The following CLSTN2 variants were observed in gnomAD, a reference collection of about 807,000 sequenced individuals.
CLSTN2 encodes the protein calsyntenin-2.
Under a neutral mutation model 101.2 loss-of-function variants are expected in CLSTN2, and 48 were observed. That is an observed-to-expected ratio of 0.47 (90% confidence interval 0.38 to 0.60). The LOEUF (loss-of-function observed/expected upper bound fraction) is 0.60. Among genes scored for constraint, CLSTN2 ranks in the 20% least tolerant of loss-of-function variants. The pLI is 0.00. For missense variants in CLSTN2, 1,160 were observed against 1,238.2 expected (o/e 0.94, Z 0.95); for synonymous variants, 481 against 463.6 (o/e 1.04, Z -0.48).
At chr3:140,491,409 T>C (rs569079994) in intron 8 of CLSTN2, among the ~76,000 whole-genome samples, 1 of 152,268 alleles carries the variant, frequency 6.6e-6, no homozygotes, top group Non-Finnish European at 1.5e-5. Context: ...TAGAGAGAGA[T>C]ATTAGAAATA....
rs76434987 is a variant in CLSTN2, at chr3:139,977,085, T to C, written c.109+41602T>C. 1.5e-4 allele frequency among the ~76,000 whole-genome samples: 23 copies of C among 152,270 alleles called. No individual in the cohort carries two copies. The East Asian group carries it at 3.7e-3, about 24-fold the overall frequency. The stretch of plus-strand genomic sequence containing the variant: ...AGAAAAGACAAAACCTCAAACTCTC[T>C]ATCCTGCCTGCCAGTGCTAGCATTT... On this transcript the variant is annotated intron_variant, in intron 1 of 16. Transcript: ENST00000458420.
At chr3:140,196,276 A>G (rs2010642241) in intron 2 of CLSTN2, among the ~76,000 whole-genome samples, 1 of 152,194 alleles carries the variant, frequency 6.6e-6, no homozygotes, top group Admixed American at 6.5e-5. Flanking sequence ...ATCTCATGAC[A>G]GAGGAAGGCG....
intron 1 of CLSTN2, among the ~76,000 whole-genome samples, chr3:140,068,349 C>A (rs1488625809): frequency 1.3e-5 from 2 of 152,270 alleles, no homozygotes; most frequent in East Asian, 3.9e-4. Context: ...ACTCAATGAA[C>A]CCTTTTAGAG....
At chr3:139,985,529 G>A (rs567551806) in intron 1 of CLSTN2, among the ~76,000 whole-genome samples, 1 of 152,186 alleles carries the variant, frequency 6.6e-6, no homozygotes, top group South Asian at 2.1e-4. Context: ...CTGAAACTCT[G>A]ACATTGTTTG....
intron 2 of CLSTN2, among the ~76,000 whole-genome samples, chr3:140,181,375 CCA>C (rs1221859080): frequency 6.9e-6 from 1 of 145,024 alleles, no homozygotes; most frequent in African/African-American, 2.5e-5. Context: ...TATCAGTAAG[CCA>C]CAAGTGTTTG....
intron 1 of CLSTN2, among the ~76,000 whole-genome samples, chr3:139,953,044 G>T (rs558500342): frequency 6.6e-6 from 1 of 152,330 alleles, no homozygotes; most frequent in African/African-American, 2.4e-5. Flanking sequence ...GAGTAGAATG[G>T]TTGTTGAGTT....
intron 1 of CLSTN2, among the ~76,000 whole-genome samples, chr3:139,975,162 T>C (rs1447168416): frequency 6.6e-6 from 1 of 152,158 alleles, no homozygotes; most frequent in African/African-American, 2.4e-5. Flanking sequence ...TGGGCCTTGA[T>C]ATAAGAGCTG....
At chr3:139,951,242 C>A (rs901900186) in intron 1 of CLSTN2, among the ~76,000 whole-genome samples, 1 of 152,146 alleles carries the variant, frequency 6.6e-6, no homozygotes, top group Non-Finnish European at 1.5e-5. Flanking sequence ...CAAGAAGTAT[C>A]TCATATGTGC....
At chr3:139,956,667 A>G (rs1935406784) in intron 1 of CLSTN2, among the ~76,000 whole-genome samples, 1 of 152,202 alleles carries the variant, frequency 6.6e-6, no homozygotes, top group African/African-American at 2.4e-5. Flanking sequence ...TCTAAAGAAT[A>G]TTGTCAATGG....
intron 2 of CLSTN2, among the ~76,000 whole-genome samples, chr3:140,258,054 A>G (rs2086618646): frequency 6.6e-6 from 1 of 152,134 alleles, no homozygotes; most frequent in Non-Finnish European, 1.5e-5. Context: ...TGGCAAAATT[A>G]TCTCATTTCT....
At position 140,127,507 on chromosome 3, in the gene CLSTN2, G is replaced by T. The variant is rs531752383; in HGVS notation, c.110-48444G>T. 2.6e-5 allele frequency among the ~76,000 whole-genome samples: 4 copies of T among 152,240 alleles called. No individual in the cohort carries two copies. The East Asian group carries it at 7.7e-4, about 29-fold the overall frequency. ...AGAAAGATGTTGAAAACCAACTGAC[G>T]ACAGGGGCGGTGCACAACAGGTGAC... is the stretch of plus-strand genomic sequence containing the variant. On this transcript the variant is annotated intron_variant, in intron 1 of 16. Transcript: ENST00000458420.
chr3:140,485,720 T>C (rs1026051835), intron 8 of CLSTN2, among the ~76,000 whole-genome samples: 1 of 152,096 alleles, frequency 6.6e-6, no homozygotes, highest in African/African-American at 2.4e-5. Flanking sequence ...GTGCTAGCAA[T>C]GAGTGAGGCT....
chr3:140,479,132 A>C (rs1934058174), intron 8 of CLSTN2, among the ~76,000 whole-genome samples: 1 of 152,192 alleles, frequency 6.6e-6, no homozygotes, highest in Admixed American at 6.5e-5. Context: ...AAATGAAAAG[A>C]TCTGAGCAGG....
At chr3:140,327,858 T>C (rs759063559) in intron 2 of CLSTN2, among the ~76,000 whole-genome samples, 5 of 152,240 alleles carry the variant, frequency 3.3e-5, no homozygotes, top group Non-Finnish European at 5.9e-5. Flanking sequence ...AGTTGTCAGA[T>C]ATACTTAGCG....
intron 2 of CLSTN2, among the ~76,000 whole-genome samples, chr3:140,224,752 G>A (rs1330738044): frequency 2.0e-5 from 3 of 152,276 alleles, no homozygotes; most frequent in Admixed American, 1.3e-4. Context: ...CACTTATTTA[G>A]CATTGATTAA....
intron 6 of CLSTN2, among the ~76,000 whole-genome samples, chr3:140,459,033 A>G (rs1230866651): frequency 6.6e-6 from 1 of 152,150 alleles, no homozygotes; most frequent in Non-Finnish European, 1.5e-5. Flanking sequence ...CACAGCCCTG[A>G]TCACATTTTG....
intron 2 of CLSTN2, among the ~76,000 whole-genome samples, chr3:140,293,809 C>A: frequency 6.6e-6 from 1 of 152,210 alleles, no homozygotes; most frequent in East Asian, 1.9e-4. Context: ...GAGCCAGTCC[C>A]TGACTGGCTG....
chr3:140,157,537 G>A (rs572000392), intron 1 of CLSTN2, among the ~76,000 whole-genome samples: 4 of 152,126 alleles, frequency 2.6e-5, no homozygotes, highest in Non-Finnish European at 4.4e-5. Context: ...AGAGTTGTTC[G>A]TAATAGTCTC....
chr3:139,951,512 G>A (rs903837355), intron 1 of CLSTN2, among the ~76,000 whole-genome samples: 2 of 152,198 alleles, frequency 1.3e-5, no homozygotes, highest in Non-Finnish European at 2.9e-5. Flanking sequence ...TGCCAGTTAA[G>A]CATGGGGACA....
Sources: gnomAD v4.1 joint callset for allele counts (sites outside exome capture counted in the v4.1 genomes callset) on GRCh38, gnomAD v4.1.1 for gene constraint, MANE v1.5 for transcripts, NCBI Gene and HGNC (gene_info 2026-07-23, HGNC 2026-07-21) for gene names.